CAMKMT: variants seen among roughly 807,000 people sequenced by gnomAD.
CAMKMT encodes calmodulin-lysine N-methyltransferase.
Under a neutral mutation model 48.0 loss-of-function variants are expected in CAMKMT, and 53 were observed. The observed-to-expected ratio is 1.10, with a 90% CI of 0.89 to 1.39. The LOEUF (loss-of-function observed/expected upper bound fraction) is 1.39. Ranked by LOEUF, CAMKMT falls within the 40% of genes most tolerant of loss-of-function variation. CAMKMT has a pLI of 0.00. For missense variants in CAMKMT, 428 were observed against 402.7 expected, an observed-to-expected ratio of 1.06 and a Z score of -0.54; for synonymous variants, 165 against 152.3, an observed-to-expected ratio of 1.08 and a Z score of -0.61.
At chr2:44,673,624 C>T (rs546180861) in intron 3 of CAMKMT, among the ~76,000 whole-genome samples, 2 of 151,840 alleles carry the variant, frequency 1.3e-5, no homozygotes, top group South Asian at 2.1e-4. Flanking sequence ...CATTTGGTGG[C>T]GGTAGCTATC....
At chr2:44,470,451 C>G (rs1327911133) in intron 3 of CAMKMT, among the ~76,000 whole-genome samples, 2 of 152,046 alleles carry the variant, frequency 1.3e-5, no homozygotes, top group East Asian at 3.9e-4. Flanking sequence ...AATTGGCCCT[C>G]CATGCTTCTC....
intron 3 of CAMKMT, among the ~76,000 whole-genome samples, chr2:44,636,406 C>T (rs970500276): frequency 3.3e-5 from 5 of 152,162 alleles, no homozygotes; most frequent in East Asian, 1.9e-4. Flanking sequence ...GAACCAGTCC[C>T]GAGGAAAACC....
chr2:44,474,376 G>A (rs1318257839), intron 3 of CAMKMT, among the ~76,000 whole-genome samples: 1 of 151,012 alleles, frequency 6.6e-6, no homozygotes, highest in Non-Finnish European at 1.5e-5. Context: ...GAACCCAGGA[G>A]ATGGAGGTTG....
intron 3 of CAMKMT, among the ~76,000 whole-genome samples, chr2:44,538,157 C>G (rs371626691): frequency 6.6e-6 from 1 of 152,000 alleles, no homozygotes; most frequent in African/African-American, 2.4e-5. Flanking sequence ...ATCACGAGGT[C>G]AGGTGTTCAA....
At chr2:44,641,612 C>T (rs1673457717) in intron 3 of CAMKMT, among the ~76,000 whole-genome samples, 2 of 152,094 alleles carry the variant, frequency 1.3e-5, no homozygotes, top group African/African-American at 4.8e-5. Context: ...GGCTGGAGTG[C>T]AGTGGTATAA....
At chr2:44,722,528 A>T (rs1678528004) in intron 7 of CAMKMT, among the ~76,000 whole-genome samples, 1 of 152,270 alleles carries the variant, frequency 6.6e-6, no homozygotes, top group East Asian at 1.9e-4. Flanking sequence ...GGGTTGCCCT[A>T]CACTGCTACC....
intron 2 of CAMKMT, among the ~76,000 whole-genome samples, chr2:44,388,992 G>A (rs776693060): frequency 6.6e-6 from 1 of 152,186 alleles, no homozygotes; most frequent in Non-Finnish European, 1.5e-5. Context: ...ACCTCCTGCT[G>A]GGAGGTGGTG....
At chr2:44,459,881 G>A (rs1457757319) in intron 3 of CAMKMT, among the ~76,000 whole-genome samples, 1 of 152,150 alleles carries the variant, frequency 6.6e-6, no homozygotes, top group African/African-American at 2.4e-5. Context: ...GACTGAGCTG[G>A]GTGCTGGGGA....
chr2:44,650,456 C>G (rs996948518), intron 3 of CAMKMT, among the ~76,000 whole-genome samples: 1 of 152,164 alleles, frequency 6.6e-6, no homozygotes, highest in Non-Finnish European at 1.5e-5. Context: ...GGAAGGAGAT[C>G]AATCCATAAT....
chr2:44,596,176 C>T (rs746182780), intron 3 of CAMKMT, among the ~76,000 whole-genome samples: 4 of 151,504 alleles, frequency 2.6e-5, no homozygotes, highest in Non-Finnish European at 5.9e-5. Flanking sequence ...TGGCTGGACA[C>T]AGTGGCTCAC....
At chr2:44,645,052 T>C (rs1166836253) in intron 3 of CAMKMT, among the ~76,000 whole-genome samples, 1 of 152,222 alleles carries the variant, frequency 6.6e-6, no homozygotes, top group East Asian at 1.9e-4. Flanking sequence ...TATTTTTACA[T>C]CTTGTACAAT....
chr2:44,446,209 A>G (rs1339631275), intron 3 of CAMKMT, among the ~76,000 whole-genome samples: 1 of 152,002 alleles, frequency 6.6e-6, no homozygotes, highest in Non-Finnish European at 1.5e-5. Flanking sequence ...TGGCCTCCCA[A>G]AATGCTGGGA....
At chr2:44,470,131 A>G (rs968246473) in intron 3 of CAMKMT, among the ~76,000 whole-genome samples, 112 of 151,984 alleles carry the variant, frequency 7.4e-4, no homozygotes, top group African/African-American at 2.6e-3. Context: ...GCTCATTTTA[A>G]TGTAAAAGTA....
intron 3 of CAMKMT, among the ~76,000 whole-genome samples, chr2:44,556,297 C>A (rs893018699): frequency 6.6e-6 from 1 of 151,796 alleles, no homozygotes; most frequent in African/African-American, 2.4e-5. Flanking sequence ...TGCCACCACA[C>A]CTGGCTAATT....
intron 3 of CAMKMT, among the ~76,000 whole-genome samples, chr2:44,594,475 T>C (rs141504661): frequency 0.024 from 3,578 of 152,042 alleles, 119 homozygotes; most frequent in African/African-American, 0.076. Flanking sequence ...TATAGACCAA[T>C]GGAACAAAAC....
intron 2 of CAMKMT, among the ~76,000 whole-genome samples, chr2:44,382,791 C>T (rs1680387355): frequency 6.6e-6 from 1 of 151,934 alleles, no homozygotes; most frequent in Non-Finnish European, 1.5e-5. Context: ...CTTTTTTCAT[C>T]TCATTTAATT....
intron 7 of CAMKMT, among the ~76,000 whole-genome samples, chr2:44,721,124 T>G (rs1489366539): frequency 1.3e-5 from 2 of 152,162 alleles, no homozygotes; most frequent in African/African-American, 4.8e-5. Flanking sequence ...TTTCTAATTC[T>G]CATACCTCCT....
chr2:44,558,019 TTTTATTTA>T (rs555250948), intron 3 of CAMKMT, among the ~76,000 whole-genome samples: 156 of 149,566 alleles, frequency 1.0e-3, no homozygotes, highest in African/African-American at 3.6e-3. Context: ...CTATTGTGAG[TTTTATTTA>T]TTTATTTATT....
intron 3 of CAMKMT, among the ~76,000 whole-genome samples, chr2:44,564,262 G>A (rs4953104): frequency 0.54 from 81,503 of 149,732 alleles, 23,542 homozygotes; most frequent in Middle Eastern, 0.67. Flanking sequence ...TGTAACCTCC[G>A]CCTTCCGGGT....
Sources: allele counts gnomAD v4.1 joint callset (sites outside exome capture counted in the v4.1 genomes callset), GRCh38; gene constraint gnomAD v4.1.1; transcripts MANE v1.5; gene names NCBI Gene and HGNC (gene_info 2026-07-23, HGNC 2026-07-21).